Variants in ZSWIM6 observed in about 807,000 individuals in gnomAD.
ZSWIM6 encodes the protein zinc finger SWIM domain-containing protein 6.
ZSWIM6 carries 9 observed loss-of-function variants against 113.2 expected under a neutral mutation model. The observed-to-expected ratio is 0.08, with a 90% CI of 0.05 to 0.14. The LOEUF is 0.14. Among genes scored for constraint, ZSWIM6 ranks in the 10% least tolerant of loss-of-function variants. The pLI is 1.00. For missense variants in ZSWIM6, 1,162 were observed against 1,552.2 expected (o/e 0.75, Z 4.22); for synonymous variants, 611 against 606.5 (o/e 1.01, Z -0.11).
At chr5:61,454,710 T>C (rs1394901640) in intron 1 of ZSWIM6, among the ~76,000 whole-genome samples, 1 of 151,898 alleles carries the variant, frequency 6.6e-6, no homozygotes, top group Non-Finnish European at 1.5e-5. Flanking sequence ...GCCTCCCAAG[T>C]ATCTGGGACT....
At chr5:61,517,870 G>A (rs1052810453) in intron 4 of ZSWIM6, among the ~76,000 whole-genome samples, 8 of 150,570 alleles carry the variant, frequency 5.3e-5, no homozygotes, top group Non-Finnish European at 1.0e-4. Context: ...ATGTATACAT[G>A]TGCCATGCTG....
intron 1 of ZSWIM6, among the ~76,000 whole-genome samples, chr5:61,404,165 G>A (rs1404451674): frequency 1.3e-5 from 2 of 152,006 alleles, no homozygotes; most frequent in Non-Finnish European, 2.9e-5. Context: ...CTGCCACCAC[G>A]CCCGGCTAAT....
chr5:61,494,138 A>G, intron 3 of ZSWIM6, 122 bp from the exon 4 acceptor site: 2 of 1,083,368 alleles, frequency 1.8e-6, no homozygotes, highest in Non-Finnish European at 2.7e-6. Context: ...ACACACACAC[A>G]CACACACGGA....
chr5:61,415,222 C>T (rs1746222373), intron 1 of ZSWIM6, among the ~76,000 whole-genome samples: 1 of 152,086 alleles, frequency 6.6e-6, no homozygotes, highest in South Asian at 2.1e-4. Context: ...GAAGTAGAGC[C>T]TAGAAAGTAA....
intron 1 of ZSWIM6, among the ~76,000 whole-genome samples, chr5:61,341,873 C>CTTTTTTTTT (rs35227918): frequency 2.1e-5 from 2 of 94,704 alleles, no homozygotes; most frequent in Admixed American, 1.3e-4. Context: ...TCTCTGTAAC[C>CTTTTTTTTT]TTTTTTTTTT....
chr5:61,459,042 A>G (rs1445762313), intron 1 of ZSWIM6, among the ~76,000 whole-genome samples: 3 of 152,166 alleles, frequency 2.0e-5, no homozygotes, highest in East Asian at 1.9e-4. Flanking sequence ...CTAAGCCACT[A>G]TGTACATAAT....
chr5:61,527,815 A>T (rs1299757141), intron 7 of ZSWIM6, among the ~76,000 whole-genome samples: 1 of 152,220 alleles, frequency 6.6e-6, no homozygotes, highest in Non-Finnish European at 1.5e-5. Flanking sequence ...ATAAATGTTG[A>T]CTTTTAAAAT....
intron 2 of ZSWIM6, among the ~76,000 whole-genome samples, chr5:61,488,252 T>C (rs1189611833): frequency 1.3e-5 from 2 of 151,966 alleles, no homozygotes; most frequent in African/African-American, 4.8e-5. Flanking sequence ...TACTGTTGGA[T>C]TGGGTTTGCT....
chr5:61,477,403 A>G (rs921849370), intron 2 of ZSWIM6, among the ~76,000 whole-genome samples: 2 of 152,220 alleles, frequency 1.3e-5, no homozygotes, highest in East Asian at 1.9e-4. Context: ...GGGTTGGCAC[A>G]TGACATCTAA....
At chr5:61,345,632 T>C (rs777454117) in intron 1 of ZSWIM6, among the ~76,000 whole-genome samples, 6 of 152,200 alleles carry the variant, frequency 3.9e-5, no homozygotes, top group African/African-American at 7.2e-5. Flanking sequence ...TGAATACAAA[T>C]GGAAACGCTG....
At chr5:61,340,434 T>C (rs1044632037) in intron 1 of ZSWIM6, among the ~76,000 whole-genome samples, 1 of 152,220 alleles carries the variant, frequency 6.6e-6, no homozygotes, top group Non-Finnish European at 1.5e-5. Flanking sequence ...TGTAACCACA[T>C]GCATATTTCA....
chr5:61,416,138 G>A (rs905101428), intron 1 of ZSWIM6, among the ~76,000 whole-genome samples: 3 of 152,324 alleles, frequency 2.0e-5, no homozygotes, highest in East Asian at 3.9e-4. Context: ...GGAACGAATG[G>A]CATTCCTTTG....
At chr5:61,496,572 TGA>T (rs1436171011) in intron 4 of ZSWIM6, among the ~76,000 whole-genome samples, 2 of 152,172 alleles carry the variant, frequency 1.3e-5, no homozygotes, top group African/African-American at 4.8e-5. Context: ...GAGAAGAGGC[TGA>T]GTTTTGTCGG....
chr5:61,456,890 C>CTTTTT (rs57188174), intron 1 of ZSWIM6, among the ~76,000 whole-genome samples: 3 of 142,802 alleles, frequency 2.1e-5, no homozygotes, highest in Non-Finnish European at 4.6e-5. Flanking sequence ...TATCCAATTT[C>CTTTTT]TTTTTTTTTT....
At chr5:61,469,668 T>C (rs1184140891) in intron 1 of ZSWIM6, among the ~76,000 whole-genome samples, 1 of 152,142 alleles carries the variant, frequency 6.6e-6, no homozygotes, top group Non-Finnish European at 1.5e-5. Flanking sequence ...GCAGAAACCA[T>C]TTGAGGGCTT....
At chr5:61,488,043 A>T (rs557224331) in intron 2 of ZSWIM6, among the ~76,000 whole-genome samples, 3 of 152,008 alleles carry the variant, frequency 2.0e-5, no homozygotes, top group Non-Finnish European at 4.4e-5. Context: ...TGTGAGGTAT[A>T]TTCCTTTTAT....
chr5:61,411,093 T>A (rs1301472314), intron 1 of ZSWIM6, among the ~76,000 whole-genome samples: 6 of 152,230 alleles, frequency 3.9e-5, no homozygotes, highest in Non-Finnish European at 8.8e-5. Context: ...TCTGAAGCAC[T>A]GCAGCAAAGT....
chr5:61,433,764 C>T (rs566970175), intron 1 of ZSWIM6, among the ~76,000 whole-genome samples: 13 of 151,966 alleles, frequency 8.6e-5, no homozygotes, highest in East Asian at 1.9e-4. Flanking sequence ...CGTGAGCCAC[C>T]GTGCCCAGCC....
intron 1 of ZSWIM6, among the ~76,000 whole-genome samples, chr5:61,417,751 TTAAA>T (rs1263500280): frequency 1.3e-5 from 2 of 152,356 alleles, no homozygotes; most frequent in African/African-American, 4.8e-5. Flanking sequence ...TTTTCTATAT[TTAAA>T]TAACTGATAT....
Sources: allele counts gnomAD v4.1 joint callset (sites outside exome capture counted in the v4.1 genomes callset), GRCh38; gene constraint gnomAD v4.1.1; transcripts MANE v1.5; gene names NCBI Gene and HGNC (gene_info 2026-07-23, HGNC 2026-07-21).